Variants in PARN observed in about 807,000 individuals in gnomAD.
PARN encodes poly(A)-specific ribonuclease PARN.
A neutral mutation model predicts 102.8 loss-of-function variants in PARN; 71 were observed. That is an observed-to-expected ratio of 0.69 (90% CI 0.57 to 0.84). PARN has a LOEUF of 0.84. PARN is among the 40% of genes least tolerant of loss of function. PARN has a pLI of 0.00. For synonymous variants in PARN, 261 were observed against 252.9 expected (o/e 1.03, Z -0.30); for missense variants, 782 against 760.9 (o/e 1.03, Z -0.33).
rs371500824 is a variant in PARN at position 14,480,840 on chromosome 16, C to T, written c.1670+1798G>A. Among the ~76,000 whole-genome samples the T allele has an allele frequency of 2.2e-4, 34 of 152,074 alleles. No individual in the cohort carries two copies. The South Asian group carries it at 5.6e-3, about 25-fold the overall frequency. On this transcript the variant is annotated intron_variant, in intron 22 of 23. Coordinates refer to ENST00000437198, the MANE Select transcript of PARN (RefSeq NM_002582.4). ...TCTGTAGTCGCAGCTTCTCGGGAAG[C>T]GGAGGCCCGTGAATCACTTAATCCC...
intron 14 of PARN, among the ~76,000 whole-genome samples, chr16:14,585,574 T>A (rs1459692046): frequency 6.6e-6 from 1 of 152,058 alleles, no homozygotes; most frequent in African/African-American, 2.4e-5. Flanking sequence ...AAGGGGGCAA[T>A]AATAACTATG....
At chr16:14,561,274 T>C (rs992608511) in intron 18 of PARN, among the ~76,000 whole-genome samples, 1 of 152,070 alleles carries the variant, frequency 6.6e-6, no homozygotes, top group Non-Finnish European at 1.5e-5. Context: ...ATATAGAACC[T>C]TGAACCGTTA....
intron 11 of PARN, among the ~76,000 whole-genome samples, chr16:14,601,147 C>CA (rs1259614502): frequency 2.0e-5 from 3 of 152,118 alleles, no homozygotes; most frequent in Admixed American, 6.6e-5. Context: ...AGCAGGGACT[C>CA]AAATAGGTAT....
chr16:14,449,329 A>C (rs1260776814), intron 22 of PARN, among the ~76,000 whole-genome samples: 2 of 152,150 alleles, frequency 1.3e-5, no homozygotes, highest in African/African-American at 4.8e-5. Flanking sequence ...ATAAAATTAG[A>C]ACCATTCCTC....
At position 14,482,747 on chromosome 16, in the gene PARN, G is replaced by A; in HGVS notation, c.1561C>T (p.Gln521Ter). The A allele has an allele frequency of 6.2e-7, 1 of 1,613,676 alleles. No individual in the cohort carries two copies. Reference protein sequence around the residue: ...EYMGRKQEEKQIKRKWTEDSW... With the variant: ...EYMGRKQEEK Reference sequence around the variant, plus strand: ...TCTTCAGTCCACTTTCTTTTGATCTGCTTCTCTTCCTGTTTTCTCCCCATA... The same window carrying A: ...TCTTCAGTCCACTTTCTTTTGATCTACTTCTCTTCCTGTTTTCTCCCCATA... Residue 521 changes from glutamine (Q) to a stop codon, truncating the protein, a stop_gained, in exon 22 of 24, where the codon CAG becomes TAG. Coordinates refer to ENST00000437198, the MANE Select transcript of PARN (RefSeq NM_002582.4). LOFTEE classifies it high-confidence loss of function.
intron 18 of PARN, among the ~76,000 whole-genome samples, chr16:14,556,169 T>C (rs1967675156): frequency 2.7e-5 from 4 of 149,464 alleles, no homozygotes; most frequent in South Asian, 2.1e-4. Flanking sequence ...TTATTATTAT[T>C]ATCATTTTGA....
At chr16:14,459,814 GGAATA>G (rs1365801019) in intron 22 of PARN, among the ~76,000 whole-genome samples, 1 of 152,096 alleles carries the variant, frequency 6.6e-6, no homozygotes, top group African/African-American at 2.4e-5. Context: ...ATAGATCAAT[GGAATA>G]GAATAGTGTC....
At chr16:14,477,074 C>T (rs1316657222) in intron 22 of PARN, among the ~76,000 whole-genome samples, 1 of 152,126 alleles carries the variant, frequency 6.6e-6, no homozygotes, top group Non-Finnish European at 1.5e-5. Context: ...TTATAAGAAA[C>T]ATACTTTCAT....
chr16:14,474,538 A>G (rs937544599), intron 22 of PARN, among the ~76,000 whole-genome samples: 3 of 152,182 alleles, frequency 2.0e-5, no homozygotes, highest in Non-Finnish European at 1.5e-5. Flanking sequence ...TGTGCACAAT[A>G]TAAAAGCATT....
At chr16:14,554,849 C>T (rs995713060) in intron 19 of PARN, among the ~76,000 whole-genome samples, 4 of 151,866 alleles carry the variant, frequency 2.6e-5, no homozygotes, top group African/African-American at 9.7e-5. Flanking sequence ...AAAAAAAAAG[C>T]ACTGTCCAAA....
intron 5 of PARN, among the ~76,000 whole-genome samples, chr16:14,623,731 G>A (rs190980433): frequency 6.6e-6 from 1 of 150,778 alleles, no homozygotes; most frequent in African/African-American, 2.4e-5. Flanking sequence ...CAGATACTCA[G>A]GAGGCTGAGA....
At chr16:14,544,948 A>T (rs1850439045) in intron 21 of PARN, among the ~76,000 whole-genome samples, 1 of 152,182 alleles carries the variant, frequency 6.6e-6, no homozygotes, top group Non-Finnish European at 1.5e-5. Context: ...GCACTTTGGG[A>T]GGCTGAGGTG....
intron 5 of PARN, among the ~76,000 whole-genome samples, chr16:14,618,188 A>G (rs1972046811): frequency 6.6e-6 from 1 of 152,096 alleles, no homozygotes. Context: ...TACTAAAAAT[A>G]CAAAAATTAG....
intron 23 of PARN, among the ~76,000 whole-genome samples, chr16:14,441,597 C>G (rs1360178838): frequency 6.6e-6 from 1 of 152,210 alleles, no homozygotes; most frequent in Non-Finnish European, 1.5e-5. Flanking sequence ...AAGGTGAGCC[C>G]CCTCCCTGCA....
chr16:14,621,172 T>G (rs953224763), intron 5 of PARN, among the ~76,000 whole-genome samples: 1 of 152,182 alleles, frequency 6.6e-6, no homozygotes, highest in South Asian at 2.1e-4. Flanking sequence ...CAAGACTCAA[T>G]GTATTTTGAT....
chr16:14,569,516 T>C (rs1409742339), intron 18 of PARN, among the ~76,000 whole-genome samples: 1 of 152,216 alleles, frequency 6.6e-6, no homozygotes, highest in Non-Finnish European at 1.5e-5. Context: ...CTTATGCTCC[T>C]GCTGCCTTAT....
intron 21 of PARN, among the ~76,000 whole-genome samples, chr16:14,488,036 G>A (rs1963818583): frequency 6.6e-6 from 1 of 152,186 alleles, no homozygotes; most frequent in Admixed American, 6.5e-5. Context: ...AAAGCTATAG[G>A]AATTGAGACA....
intron 18 of PARN, among the ~76,000 whole-genome samples, chr16:14,566,893 G>A (rs531181042): frequency 7.2e-5 from 11 of 152,336 alleles, no homozygotes; most frequent in African/African-American, 2.6e-4. Context: ...TTTTGATGCT[G>A]CCACAGAAGT....
At chr16:14,587,085 C>G (rs1466119578) in intron 13 of PARN, among the ~76,000 whole-genome samples, 2 of 152,202 alleles carry the variant, frequency 1.3e-5, no homozygotes, top group African/African-American at 4.8e-5. Context: ...TCTTTGTAAA[C>G]TACACTTCTC....
Sources: gnomAD v4.1 joint callset for allele counts (sites outside exome capture counted in the v4.1 genomes callset) on GRCh38, gnomAD v4.1.1 for gene constraint, MANE v1.5 for transcripts, NCBI Gene and HGNC (gene_info 2026-07-23, HGNC 2026-07-21) for gene names.